ARSK: variants seen among roughly 807,000 people sequenced by gnomAD.
The protein encoded by ARSK is arylsulfatase K.
A neutral mutation model predicts 53.2 loss-of-function variants in ARSK; 37 were observed. That is an observed-to-expected ratio of 0.70 (90% CI 0.54 to 0.92). ARSK has a LOEUF of 0.92. Among genes scored for constraint, ARSK ranks in the 40% least tolerant of loss-of-function variants. The pLI is 0.00. For missense variants in ARSK, 613 were observed against 643.0 expected (o/e 0.95, Z 0.51); for synonymous variants, 208 against 223.2 (o/e 0.93, Z 0.61).
At chr5:95,592,569 G>GA (rs1749237581) in intron 6 of ARSK, among the ~76,000 whole-genome samples, 1 of 151,762 alleles carries the variant, frequency 6.6e-6, no homozygotes, top group Non-Finnish European at 1.5e-5. Context: ...GTGTGTGTGT[G>GA]ATGGAGTTTC....
At chr5:95,564,091 C>T (rs1748683471) in intron 1 of ARSK, among the ~76,000 whole-genome samples, 1 of 151,104 alleles carries the variant, frequency 6.6e-6, no homozygotes, top group Non-Finnish European at 1.5e-5. Flanking sequence ...GATTCTCTTG[C>T]CTCAGCCTCC....
At position 95,603,323 on chromosome 5, in the gene ARSK, A is replaced by G. The variant is rs532747747; in HGVS notation, c.1408A>G (p.Ile470Val). The G allele has an allele frequency of 1.2e-6, 2 of 1,611,406 alleles. No homozygotes were observed. The highest frequency in any genetic ancestry group is 2.2e-5 in the South Asian group (2 of 90,224). ...TYSLDQKLHS[I>V]INYPKVSASV... is the part of the protein sequence containing the mutation. ...TTCTTTGGATCAGAAGCTTCATTCCATTATAAACTACCCTAAAGTTTCTGC... is the reference window on the plus strand; with the variant it reads ...TTCTTTGGATCAGAAGCTTCATTCCGTTATAAACTACCCTAAAGTTTCTGC... The change falls in exon 8 of 8, where the codon ATT (isoleucine) becomes GTT (valine). Residue 470 changes from isoleucine to valine, a missense_variant. Physicochemically the swap from Ile to Val is conservative, Grantham distance 29. Transcript: ENST00000380009.
intron 6 of ARSK, among the ~76,000 whole-genome samples, chr5:95,592,049 A>G (rs955380525): frequency 2.0e-5 from 3 of 152,182 alleles, no homozygotes; most frequent in Non-Finnish European, 2.9e-5. Flanking sequence ...GTTCTGTACT[A>G]TTTGCTTTAC....
At chr5:95,572,073 C>T (rs1748840458) in intron 3 of ARSK, among the ~76,000 whole-genome samples, 1 of 152,190 alleles carries the variant, frequency 6.6e-6, no homozygotes, top group Admixed American at 6.5e-5. Context: ...ATACTTCCAT[C>T]TGTCTTTTTT....
chr5:95,595,101 T>A (rs1749283130), intron 6 of ARSK, among the ~76,000 whole-genome samples: 1 of 152,160 alleles, frequency 6.6e-6, no homozygotes, highest in Admixed American at 6.5e-5. Context: ...TTAAAAATAG[T>A]CACTTCTAAT....
intron 3 of ARSK, 94 bp from the exon 4 acceptor site, chr5:95,582,822 A>C (rs746718448): frequency 8.1e-7 from 1 of 1,237,814 alleles, no homozygotes. Context: ...GAGTCTAAAA[A>C]TTGTTTTCCA....
Position 95,583,036 on chromosome 5 carries a change from TACAG to T in ARSK, c.541_544del (p.Asp181LysfsTer3). 6.2e-7 allele frequency: 1 copy of T among 1,613,834 alleles called. No individual in the cohort carries two copies. The highest frequency in any genetic ancestry group is 1.1e-5 in the South Asian group (1 of 91,052). ...GAGTGATGGAAAGGGATTGGCAGAA[TACAG>T]ACAAAGCAGTAAACTGGTTAAGAAA... On this transcript the variant is annotated frameshift_variant, in exon 4 of 8. Coordinates refer to ENST00000380009, the MANE Select transcript of ARSK (RefSeq NM_198150.3). LOFTEE classifies it high-confidence loss of function.
chr5:95,601,231 T>C (rs1749398284), intron 7 of ARSK, among the ~76,000 whole-genome samples, 160 bp downstream of exon 7: 1 of 152,218 alleles, frequency 6.6e-6, no homozygotes, highest in Non-Finnish European at 1.5e-5. Flanking sequence ...AGGAACAGCC[T>C]CTTTGCAGAT....
At chr5:95,590,593 C>A (rs779287887) in intron 5 of ARSK, among the ~76,000 whole-genome samples, 3 of 152,158 alleles carry the variant, frequency 2.0e-5, no homozygotes, top group Non-Finnish European at 4.4e-5. Flanking sequence ...CTGCAAATAA[C>A]TCCATAGAGC....
chr5:95,575,783 T>G (rs1343577140), intron 3 of ARSK, among the ~76,000 whole-genome samples: 2 of 152,346 alleles, frequency 1.3e-5, no homozygotes, highest in Non-Finnish European at 2.9e-5. Flanking sequence ...CTAATAGTTT[T>G]TTGGTGGAGT....
intron 6 of ARSK, 76 bp downstream of exon 6, chr5:95,591,701 C>A: frequency 7.0e-7 from 1 of 1,437,194 alleles, no homozygotes; most frequent in Non-Finnish European, 9.8e-7. Flanking sequence ...GTGAGTCAGT[C>A]TTTCAGTTAG....
intron 1 of ARSK, among the ~76,000 whole-genome samples, chr5:95,562,921 T>A (rs1284378559): frequency 6.6e-6 from 1 of 152,248 alleles, no homozygotes; most frequent in East Asian, 1.9e-4. Context: ...TTGACAGAAC[T>A]GTGTTTTCAC....
rs1419518948 is a variant in ARSK at position 95,560,800 on chromosome 5, ATC to A, written c.127-5196_127-5195del. ...TAGGCAATTAAAAGATGGGCAAAAG[ATC>A]TTTTTTTTTTTTTTTTTTTTGAAAT... On this transcript the variant is annotated intron_variant, in intron 1 of 7. Transcript: ENST00000380009. Among the ~76,000 whole-genome samples, 8 of 129,696 alleles carry A rather than the reference ATC, an allele frequency of 6.2e-5. No homozygotes were observed. The South Asian group carries it at 7.4e-4, about 12-fold the overall frequency. 85.1% of individuals were successfully genotyped at this position (129,696 alleles called of 152,430 possible).
chr5:95,583,974 ATG>A (rs1439664119), intron 4 of ARSK, among the ~76,000 whole-genome samples: 1 of 152,172 alleles, frequency 6.6e-6, no homozygotes, highest in African/African-American at 2.4e-5. Context: ...ATGCTCGTAA[ATG>A]TGCCTTCACT....
chr5:95,591,309 ACT>A, intron 5 of ARSK, 90 bp from the exon 6 acceptor site: 3 of 1,074,708 alleles, frequency 2.8e-6, no homozygotes, highest in East Asian at 4.9e-5. Context: ...ATAGTGACAA[ACT>A]CTTATAGGGT....
intron 1 of ARSK, among the ~76,000 whole-genome samples, chr5:95,565,466 TCC>T (rs752293312): frequency 9.8e-5 from 15 of 152,332 alleles, no homozygotes; most frequent in Admixed American, 4.6e-4. Flanking sequence ...AATAGCTGGA[TCC>T]TGTTCATTCT....
At chr5:95,597,668 C>A (rs1010487629) in intron 6 of ARSK, among the ~76,000 whole-genome samples, 2 of 151,946 alleles carry the variant, frequency 1.3e-5, no homozygotes, top group Non-Finnish European at 2.9e-5. Flanking sequence ...CCAGGGTGGG[C>A]AGATCACTTG....
intron 3 of ARSK, among the ~76,000 whole-genome samples, chr5:95,570,445 G>A (rs1748806886): frequency 6.6e-6 from 1 of 152,204 alleles, no homozygotes; most frequent in Admixed American, 6.5e-5. Context: ...CACAGGCTTT[G>A]TGTCCATCAG....
At chr5:95,602,828 C>G (rs958323458) in intron 7 of ARSK, among the ~76,000 whole-genome samples, 1 of 152,046 alleles carries the variant, frequency 6.6e-6, no homozygotes, top group Non-Finnish European at 1.5e-5. Flanking sequence ...AGGAACATGA[C>G]TTGTCTATAT....
Sources: gnomAD v4.1 joint callset for allele counts (sites outside exome capture counted in the v4.1 genomes callset) on GRCh38, gnomAD v4.1.1 for gene constraint, MANE v1.5 for transcripts, NCBI Gene and HGNC (gene_info 2026-07-23, HGNC 2026-07-21) for gene names.